NCKAP5: variants seen among roughly 807,000 people sequenced by gnomAD.
The protein encoded by NCKAP5 is NCK associated protein 5, also known as nck-associated protein 5.
NCKAP5 carries 92 observed loss-of-function variants against 167.0 expected under a neutral mutation model. The ratio of observed to expected loss-of-function variants is 0.55; its 90% CI spans 0.47 to 0.66. The LOEUF (loss-of-function observed/expected upper bound fraction) is 0.66. Among genes scored for constraint, NCKAP5 ranks in the 30% least tolerant of loss-of-function variants. The pLI, the probability that NCKAP5 is intolerant of heterozygous loss-of-function variation, is 0.00. For missense variants in NCKAP5, 2,378 were observed against 2,315.0 expected, an observed-to-expected ratio of 1.03 and a Z score of -0.56; for synonymous variants, 891 against 877.4, an observed-to-expected ratio of 1.02 and a Z score of -0.27.
At chr2:133,342,794 C>G (rs1005800398) in intron 3 of NCKAP5, among the ~76,000 whole-genome samples, 1 of 152,174 alleles carries the variant, frequency 6.6e-6, no homozygotes, top group East Asian at 1.9e-4. Flanking sequence ...GCTGCAATGT[C>G]TGAAAACACA....
chr2:133,366,082 A>G (rs1012049608), intron 3 of NCKAP5, among the ~76,000 whole-genome samples: 8 of 152,244 alleles, frequency 5.3e-5, no homozygotes, highest in Non-Finnish European at 1.2e-4. Flanking sequence ...GTTTGTCTTA[A>G]AAAGGAAAAA....
chr2:133,263,885 T>C (rs2089045195), intron 4 of NCKAP5, among the ~76,000 whole-genome samples: 1 of 152,230 alleles, frequency 6.6e-6, no homozygotes, highest in African/African-American at 2.4e-5. Context: ...CAAGTAAATA[T>C]ATGCTAGAAA....
intron 19 of NCKAP5, among the ~76,000 whole-genome samples, chr2:132,720,503 A>G (rs1689802360): frequency 6.6e-6 from 1 of 152,160 alleles, no homozygotes; most frequent in South Asian, 2.1e-4. Flanking sequence ...GGCCCCCAAA[A>G]CCAGGGAATG....
At chr2:133,021,583 T>C (rs1440356311) in intron 6 of NCKAP5, among the ~76,000 whole-genome samples, 1 of 152,360 alleles carries the variant, frequency 6.6e-6, no homozygotes, top group Non-Finnish European at 1.5e-5. Context: ...CACATGATGC[T>C]TAATCCAGGG....
At chr2:133,615,193 T>A in the NCKAP5 span, among the ~76,000 whole-genome samples, 1 of 151,854 alleles carries the variant, frequency 6.6e-6, no homozygotes, top group Non-Finnish European at 1.5e-5. Flanking sequence ...CACTGCAAAA[T>A]CATGCCAAAA....
At chr2:132,794,679 A>G (rs111999523) in intron 12 of NCKAP5, among the ~76,000 whole-genome samples, 3,959 of 150,916 alleles carry the variant, frequency 0.026, 191 homozygotes, top group African/African-American at 0.092. Context: ...ACACACACAC[A>G]CACATACACA....
chr2:132,914,526 C>G (rs1383330911), intron 8 of NCKAP5, among the ~76,000 whole-genome samples: 1 of 151,870 alleles, frequency 6.6e-6, no homozygotes, highest in African/African-American at 2.4e-5. Flanking sequence ...CACAAATAGT[C>G]TCATGGACTA....
At chr2:133,068,301 C>T (rs1401994756) in intron 6 of NCKAP5, among the ~76,000 whole-genome samples, 1 of 152,198 alleles carries the variant, frequency 6.6e-6, no homozygotes, top group African/African-American at 2.4e-5. Context: ...TGCAAATGTC[C>T]TCCCAGCTTC....
chr2:133,321,854 A>G (rs1426250563), intron 3 of NCKAP5, among the ~76,000 whole-genome samples: 1 of 152,188 alleles, frequency 6.6e-6, no homozygotes, highest in Non-Finnish European at 1.5e-5. Context: ...ACAAAACACA[A>G]ACAGGATAGC....
chr2:133,515,037 C>T (rs1372828347), intron 3 of NCKAP5, among the ~76,000 whole-genome samples: 1 of 152,094 alleles, frequency 6.6e-6, no homozygotes, highest in Non-Finnish European at 1.5e-5. Flanking sequence ...CTAGAATCTT[C>T]CCTACCTGCT....
At chr2:133,623,057 A>C in the NCKAP5 span, among the ~76,000 whole-genome samples, 1 of 152,274 alleles carries the variant, frequency 6.6e-6, no homozygotes, top group African/African-American at 2.4e-5. Context: ...AGAAAAGGAC[A>C]GCCTATTCAA....
At chr2:133,353,556 GC>G (rs1433094658) in intron 3 of NCKAP5, among the ~76,000 whole-genome samples, 1 of 152,166 alleles carries the variant, frequency 6.6e-6, no homozygotes, top group African/African-American at 2.4e-5. Context: ...GAGACCCATG[GC>G]CCTAAGTGGG....
At chr2:132,920,767 G>GTATATATA (rs1291538755) in intron 8 of NCKAP5, among the ~76,000 whole-genome samples, 4 of 31,248 alleles carry the variant, frequency 1.3e-4, no homozygotes, top group Non-Finnish European at 1.4e-4. Flanking sequence ...GTATATATAT[G>GTATATATA]TATGTATATA....
chr2:133,488,259 C>T (rs1681087198), intron 3 of NCKAP5, among the ~76,000 whole-genome samples: 1 of 152,108 alleles, frequency 6.6e-6, no homozygotes, highest in African/African-American at 2.4e-5. Flanking sequence ...CCCTTGACCT[C>T]CTGAATCACC....
rs1574733033 is a variant in NCKAP5 at position 133,336,111 on chromosome 2, A to G, written c.70-33001T>C. 1.3e-5 allele frequency among the ~76,000 whole-genome samples: 2 copies of G among 152,272 alleles called. 1 individual carries two copies. On this transcript the variant is annotated intron_variant, in intron 3 of 19. Coordinates refer to ENST00000409261, the MANE Select transcript of NCKAP5 (RefSeq NM_207363.3). ...GGGTGGAAAATCACACCTTCTGTCC[A>G]CCGAAATAGCCATTATTTCTTGCAG...
intron 19 of NCKAP5, among the ~76,000 whole-genome samples, chr2:132,707,164 C>T (rs1688438701): frequency 6.6e-6 from 1 of 152,230 alleles, no homozygotes; most frequent in African/African-American, 2.4e-5. Context: ...TCCTCCCCAT[C>T]CCCTGGCAGG....
chr2:133,347,121 G>C (rs1393762375), intron 3 of NCKAP5, among the ~76,000 whole-genome samples: 1 of 152,192 alleles, frequency 6.6e-6, no homozygotes, highest in Non-Finnish European at 1.5e-5. Context: ...TAGAGATAAG[G>C]CTGGAAGGAA....
chr2:132,868,114 C>T (rs1690504219), intron 10 of NCKAP5, among the ~76,000 whole-genome samples: 1 of 152,094 alleles, frequency 6.6e-6, no homozygotes. Flanking sequence ...TATTTTGCTG[C>T]CATTTATCAC....
chr2:133,387,414 A>T (rs1047811495), intron 3 of NCKAP5, among the ~76,000 whole-genome samples: 1 of 152,168 alleles, frequency 6.6e-6, no homozygotes, highest in Non-Finnish European at 1.5e-5. Flanking sequence ...CCGAGAGATC[A>T]GCTGTTAGTC....
Sources: gnomAD v4.1 joint callset for allele counts (sites outside exome capture counted in the v4.1 genomes callset) on GRCh38, gnomAD v4.1.1 for gene constraint, MANE v1.5 for transcripts, NCBI Gene and HGNC (gene_info 2026-07-23, HGNC 2026-07-21) for gene names.